Variants in DYNC2LI1 observed in about 807,000 individuals in gnomAD.
DYNC2LI1 encodes the protein cytoplasmic dynein 2 light intermediate chain 1.
DYNC2LI1 carries 45 observed loss-of-function variants against 51.9 expected under a neutral mutation model. The ratio of observed to expected loss-of-function variants is 0.87; its 90% CI spans 0.68 to 1.11. The LOEUF (loss-of-function observed/expected upper bound fraction) is 1.11, where lower values mean the gene tolerates loss of function less well. Ranked by LOEUF, DYNC2LI1 falls within the 50% of genes most tolerant of loss-of-function variation. The pLI, the probability that DYNC2LI1 is intolerant of heterozygous loss-of-function variation, is 0.00. For missense variants in DYNC2LI1, 490 were observed against 417.4 expected (o/e 1.17, Z -1.51); for synonymous variants, 130 against 137.8 (o/e 0.94, Z 0.40).
chr2:43,826,318 C>A, the DYNC2LI1 span: 1 of 1,610,516 alleles, frequency 6.2e-7, no homozygotes, highest in Non-Finnish European at 8.5e-7. Flanking sequence ...AAATCTTGCC[C>A]CTGCCCCTGT....
chr2:43,800,942 C>A (rs545118651), intron 9 of DYNC2LI1, 25 bp downstream of exon 9: 7 of 1,479,774 alleles, frequency 4.7e-6, no homozygotes, highest in East Asian at 2.3e-5. Flanking sequence ...TTTTTTATAT[C>A]ATTTATTGAG....
At chr2:43,799,338 CAGG>C (rs1372862429) in intron 8 of DYNC2LI1, among the ~76,000 whole-genome samples, 1 of 152,026 alleles carries the variant, frequency 6.6e-6, no homozygotes, top group Non-Finnish European at 1.5e-5. Context: ...CCCAAAAGAA[CAGG>C]AGAAGACTGA....
At position 43,775,221 on chromosome 2, in the gene DYNC2LI1, A is replaced by C. The variant is rs149116790; in HGVS notation, c.8+1075A>C. Among the ~76,000 whole-genome samples the C allele has an allele frequency of 2.7e-4, 41 of 152,350 alleles. 1 individual carries two copies. The highest frequency in any genetic ancestry group is 8.9e-4 in the African/African-American group (37 of 41,582). On this transcript the variant is annotated intron_variant, in intron 1 of 12. Transcript: ENST00000260605. ...AGAGGATTGCATATATTAGGTGCTC[A>C]ATAAATATTTGTTTAATTAATAAAG... is the stretch of plus-strand genomic sequence containing the variant.
the DYNC2LI1 span, among the ~76,000 whole-genome samples, chr2:43,816,689 A>G: frequency 1.2e-4 from 18 of 152,308 alleles, no homozygotes; most frequent in South Asian, 3.7e-3. Flanking sequence ...AATTACAGGC[A>G]CGTGACACCA....
chr2:43,789,924 G>A (rs141105348), intron 5 of DYNC2LI1, among the ~76,000 whole-genome samples: 2 of 152,284 alleles, frequency 1.3e-5, no homozygotes, highest in East Asian at 3.9e-4. Flanking sequence ...GCTGAACTGA[G>A]ATAGCTGACA....
At chr2:43,791,790 A>T (rs541726514) in intron 5 of DYNC2LI1, among the ~76,000 whole-genome samples, 1 of 152,328 alleles carries the variant, frequency 6.6e-6, no homozygotes, top group South Asian at 2.1e-4. Flanking sequence ...TTATAAATGC[A>T]TTGAACATTT....
In DYNC2LI1 at chr2:43,789,639, G is replaced by T; in HGVS notation, c.238G>T (p.Asp80Tyr). The T allele has an allele frequency of 6.2e-7, 1 of 1,613,404 alleles. No individual in the cohort carries two copies. Among genetic ancestry groups the T allele is most frequent in the Non-Finnish European group, 8.5e-7 (1 of 1,179,768 alleles). Residue 80 changes from aspartate to tyrosine, a missense_variant, in exon 5 of 13, where the codon GAT becomes TAT. Asp to Tyr is a radical substitution (Grantham distance 160). Transcript: ENST00000260605. ...AAAAATTTTTGTTTTTCAGCCAAAA[G>T]ATATCGCTCACTTTTGGGAACTCGG... ...RRAKGHNTPK[D>Y]IAHFWELGGG...
intron 5 of DYNC2LI1, among the ~76,000 whole-genome samples, chr2:43,792,416 A>G (rs1393977025): frequency 6.6e-6 from 1 of 152,208 alleles, no homozygotes; most frequent in African/African-American, 2.4e-5. Context: ...TATTGGTTAT[A>G]TTGGATATAA....
At chr2:43,827,481 C>T in the DYNC2LI1 span, among the ~76,000 whole-genome samples, 30 of 152,112 alleles carry the variant, frequency 2.0e-4, no homozygotes, top group South Asian at 4.1e-4. Flanking sequence ...GCATGAGTGG[C>T]GAGGTTTCCC....
rs1237134594 is a variant in DYNC2LI1, at chr2:43,808,296, C to T, written c.994-1409C>T. On this transcript the variant is annotated intron_variant, in intron 12 of 12. Transcript: ENST00000260605. ...AAAAACACACAAGGAAAAATTCTTC[C>T]TAAGTCTATATACCATTTTGAAACA... Among the ~76,000 whole-genome samples the T allele has an allele frequency of 4.0e-5, 6 of 151,138 alleles. No homozygotes were observed. In the East Asian group the frequency reaches 1.2e-3, roughly 29 times the overall value.
At chr2:43,811,259 C>T (rs1666470625), downstream of DYNC2LI1, among the ~76,000 whole-genome samples, 1 of 152,310 alleles carries the variant, frequency 6.6e-6, no homozygotes, top group Middle Eastern at 3.4e-3. Flanking sequence ...GTAACTATTA[C>T]ACCATAATCA....
At chr2:43,827,892 A>G in the DYNC2LI1 span, 9 of 1,574,122 alleles carry the variant, frequency 5.7e-6, no homozygotes, top group Non-Finnish European at 7.8e-6. Flanking sequence ...CCCCTTTCCA[A>G]ATGAGGACCG....
the DYNC2LI1 span, among the ~76,000 whole-genome samples, chr2:43,815,849 AAATT>A: frequency 6.6e-6 from 1 of 151,746 alleles, no homozygotes; most frequent in African/African-American, 2.4e-5. Flanking sequence ...CATTCTGAGA[AAATT>A]AACGTGACTC....
rs1188175042 is a variant in DYNC2LI1, at chr2:43,803,783, G to A, written c.803-859G>A. ...GCACCAAAGTGGTAAGGATGTCCTG[G>A]AAGATCACCAGTAAAACAGTTTTGG... On this transcript the variant is annotated intron_variant, in intron 10 of 12. Coordinates refer to ENST00000260605, the MANE Select transcript of DYNC2LI1 (RefSeq NM_016008.4). 2.6e-5 allele frequency among the ~76,000 whole-genome samples: 4 copies of A among 152,210 alleles called. No homozygotes were observed. In the South Asian group the frequency reaches 8.3e-4, roughly 32 times the overall value.
chr2:43,824,566 T>C, the DYNC2LI1 span: 1 of 1,566,538 alleles, frequency 6.4e-7, no homozygotes, highest in Non-Finnish European at 8.6e-7. Flanking sequence ...AATGCCCACC[T>C]ATAAAATCAG....
the DYNC2LI1 span, among the ~76,000 whole-genome samples, chr2:43,817,685 A>G: frequency 0.03 from 4,540 of 151,982 alleles, 177 homozygotes; most frequent in African/African-American, 0.096. Flanking sequence ...CAAGGCAGGC[A>G]GATCACCTGA....
chr2:43,805,354 C>T (rs1477201132), intron 12 of DYNC2LI1, 108 bp downstream of exon 12: 3 of 583,084 alleles, frequency 5.1e-6, no homozygotes, highest in Middle Eastern at 4.7e-4. Flanking sequence ...AGAGTATCTT[C>T]TTTACTATTA....
the DYNC2LI1 span, among the ~76,000 whole-genome samples, chr2:43,825,307 A>C: frequency 3.3e-5 from 5 of 152,166 alleles, no homozygotes; most frequent in Non-Finnish European, 5.9e-5. Context: ...ATAGACAAGC[A>C]TGACTGGACC....
chr2:43,793,948 A>G (rs1194151842), intron 5 of DYNC2LI1: 1 of 153,552 alleles, frequency 6.5e-6, no homozygotes, highest in Admixed American at 6.4e-5. Flanking sequence ...CTAATTATAT[A>G]AATCTGTGCC....
Sources: allele counts gnomAD v4.1 joint callset (sites outside exome capture counted in the v4.1 genomes callset), GRCh38; gene constraint gnomAD v4.1.1; transcripts MANE v1.5; gene names NCBI Gene and HGNC (gene_info 2026-07-23, HGNC 2026-07-21).